Variants in ZRANB2 observed in about 807,000 individuals in gnomAD.
The protein encoded by ZRANB2 is zinc finger RANBP2-type containing 2, also known as zinc finger Ran-binding domain-containing protein 2.
ZRANB2 carries 19 observed loss-of-function variants against 53.4 expected under a neutral mutation model. The ratio of observed to expected loss-of-function variants is 0.36; its 90% CI spans 0.25 to 0.52. The LOEUF is 0.52. ZRANB2 is among the 20% of genes least tolerant of loss of function. The pLI is 0.93. For missense variants in ZRANB2, 309 were observed against 401.1 expected (o/e 0.77, Z 1.96); for synonymous variants, 145 against 134.8 (o/e 1.08, Z -0.52).
Position 71,064,249 on chromosome 1 carries a change from A to G in ZRANB2, c.*825T>C, listed in dbSNP as rs1401094876. On this transcript the variant is annotated 3_prime_UTR_variant, in exon 10 of 10. Transcript: ENST00000370920. ...AAATATACTTTAAAAGCTTACTTCA[A>G]TTTGCTCATTAAGTATGATTTAGCC... 1 of 152,116 alleles carries G rather than the reference A, an allele frequency of 6.6e-6. No homozygotes were observed. The highest frequency in any genetic ancestry group is 1.5e-5 in the Non-Finnish European group (1 of 67,876). The allele number at this position is 152,116 out of a possible 1,614,324, so 9.4% of individuals were successfully genotyped here.
chr1:71,080,404 G>A (rs1373974761), intron 1 of ZRANB2, among the ~76,000 whole-genome samples: 1 of 152,092 alleles, frequency 6.6e-6, no homozygotes, highest in East Asian at 1.9e-4. Flanking sequence ...GATCCACAAA[G>A]AAAATGTCAG....
intron 4 of ZRANB2, among the ~76,000 whole-genome samples, chr1:71,072,751 T>TTC (rs1661621732): frequency 6.6e-6 from 1 of 152,088 alleles, no homozygotes; most frequent in Non-Finnish European, 1.5e-5. Flanking sequence ...ATGGCTGTAC[T>TTC]TCTAGCTCTT....
chr1:71,072,900 C>T (rs1661625170), intron 4 of ZRANB2, among the ~76,000 whole-genome samples: 1 of 151,888 alleles, frequency 6.6e-6, no homozygotes. Context: ...AGGGTGGGCT[C>T]AGTAACAACC....
At chr1:71,076,377 T>G (rs1015337699) in intron 4 of ZRANB2, among the ~76,000 whole-genome samples, 2 of 152,238 alleles carry the variant, frequency 1.3e-5, no homozygotes, top group African/African-American at 4.8e-5. Flanking sequence ...TCAGATAATC[T>G]AGCACATAGC....
chr1:71,077,109 T>C (rs1170913948), intron 3 of ZRANB2, among the ~76,000 whole-genome samples: 1 of 152,142 alleles, frequency 6.6e-6, no homozygotes, highest in Non-Finnish European at 1.5e-5. Flanking sequence ...GTATGAAAAG[T>C]GCCTCTGTCA....
chr1:71,070,602 G>A (rs527523588), intron 7 of ZRANB2, among the ~76,000 whole-genome samples: 1 of 152,094 alleles, frequency 6.6e-6, no homozygotes, highest in African/African-American at 2.4e-5. Flanking sequence ...AAAAGCATGA[G>A]GCTAAAATAG....
At chr1:71,075,044 T>G (rs554183070) in intron 4 of ZRANB2, among the ~76,000 whole-genome samples, 1 of 152,190 alleles carries the variant, frequency 6.6e-6, no homozygotes, top group Non-Finnish European at 1.5e-5. Context: ...TAAACTATAG[T>G]TCTTGTGATA....
intron 5 of ZRANB2, 28 bp from the exon 6 acceptor site, chr1:71,072,283 G>C (rs1661611129): frequency 6.3e-7 from 1 of 1,592,406 alleles, no homozygotes; most frequent in Admixed American, 1.8e-5. Flanking sequence ...CAAAATGCTT[G>C]TCAGCTGATA....
In ZRANB2 at chr1:71,075,627, AAAG is replaced by A. The variant is rs559741814; in HGVS notation, c.301+1165_301+1167del. The stretch of plus-strand genomic sequence containing the variant: ...CGAAGAATCCCAACATCAGTGGCCA[AAAG>A]AAGAGAAACCTGCAAAGGAGACAGA... On this transcript the variant is annotated intron_variant, in intron 4 of 9. Transcript: ENST00000370920. Among the ~76,000 whole-genome samples the A allele has an allele frequency of 1.3e-3, 198 of 152,248 alleles. 2 individuals carry two copies. Among genetic ancestry groups the A allele is most frequent in the African/African-American group, 4.6e-3 (190 of 41,534 alleles).
In ZRANB2 at chr1:71,072,597, A is replaced by T. The variant is rs369859396; in HGVS notation, c.302-49T>A. Reference sequence around the variant, plus strand: ...TTACCCTATGACAATTGATTTAAATAATAAACACATCATGCCCAAATCTCC... The same window carrying T: ...TTACCCTATGACAATTGATTTAAATTATAAACACATCATGCCCAAATCTCC... On this transcript the variant is annotated intron_variant, in intron 4 of 9. Coordinates refer to ENST00000370920, the MANE Select transcript of ZRANB2 (RefSeq NM_203350.3). The T allele has an allele frequency of 9.2e-5, 129 of 1,402,996 alleles. No homozygotes were observed. The African/African-American group carries it at 1.8e-3, about 19-fold the overall frequency. The allele number at this position is 1,402,996 out of a possible 1,614,324, so 86.9% of individuals were successfully genotyped here. A position where few individuals can be genotyped will look rare whatever the true frequency, so the allele number is the denominator to read the frequency against.
chr1:71,072,303 A>G (rs757861312), intron 5 of ZRANB2, 48 bp from the exon 6 acceptor site: 3 of 1,514,610 alleles, frequency 2.0e-6, no homozygotes, highest in Non-Finnish European at 2.7e-6. Flanking sequence ...AATGCATTAA[A>G]CTTAATACAT....
intron 4 of ZRANB2, among the ~76,000 whole-genome samples, chr1:71,074,744 A>T (rs1661670353): frequency 4.1e-5 from 1 of 24,218 alleles, no homozygotes; most frequent in African/African-American, 1.2e-4. Context: ...TGATGGAATT[A>T]TGCAGGATAA....
At chr1:71,065,998 T>C in intron 9 of ZRANB2, 1 of 375,886 alleles carries the variant, frequency 2.7e-6, no homozygotes. Flanking sequence ...AATCATGAGA[T>C]AATCCTACCA....
intron 4 of ZRANB2, 88 bp downstream of exon 4, chr1:71,076,707 T>C: frequency 2.1e-6 from 2 of 973,640 alleles, no homozygotes; most frequent in Admixed American, 2.2e-5. Flanking sequence ...TCACTTACTG[T>C]GGCTCTTACT....
intron 4 of ZRANB2, among the ~76,000 whole-genome samples, chr1:71,075,270 T>G (rs1281396194): frequency 1.3e-5 from 2 of 152,114 alleles, no homozygotes; most frequent in Admixed American, 6.5e-5. Flanking sequence ...AAAGAATTTT[T>G]GGGGTATGGG....
intron 7 of ZRANB2, among the ~76,000 whole-genome samples, chr1:71,070,100 C>T (rs1369251257): frequency 6.6e-6 from 1 of 152,032 alleles, no homozygotes; most frequent in Non-Finnish European, 1.5e-5. Flanking sequence ...TTGTTATACA[C>T]TAATATCTAG....
chr1:71,076,026 G>T (rs145005862), intron 4 of ZRANB2, among the ~76,000 whole-genome samples: 1 of 152,124 alleles, frequency 6.6e-6, no homozygotes, highest in African/African-American at 2.4e-5. Context: ...CCTAAAGTTA[G>T]AGAGGCAAAG....
rs1661423196 is a variant in ZRANB2 at position 71,065,997 on chromosome 1, A to T, written c.929+779T>A. ...ATTCTGTACAAGTAGGAATCATGAGATAATCCTACCACTGAACCCAGCAAT... is the reference window on the plus strand; with the variant it reads ...ATTCTGTACAAGTAGGAATCATGAGTTAATCCTACCACTGAACCCAGCAAT... On this transcript the variant is annotated intron_variant, in intron 9 of 9. Transcript: ENST00000370920. 3 of 379,998 alleles carry T rather than the reference A, an allele frequency of 7.9e-6. No homozygotes were observed. In the Admixed American group the frequency reaches 1.4e-4, roughly 17 times the overall value. 23.5% of individuals were successfully genotyped at this position (379,998 alleles called of 1,614,324 possible).
rs1232218181 is a variant in ZRANB2 at position 71,065,124 on chromosome 1, A to G, written c.943T>C (p.Ser315Pro). 4 of 1,611,584 alleles carry G rather than the reference A, an allele frequency of 2.5e-6. No individual in the cohort carries two copies. Among genetic ancestry groups the G allele is most frequent in the South Asian group, 2.2e-5 (2 of 90,864 alleles). The change falls in exon 10 of 10, where the codon TCA becomes CCA. Residue 315 changes from serine (S) to proline (P), a missense_variant. Around this residue, in one of 3 missense-constraint regions of ZRANB2, gnomAD observed 211 missense variants for 196.1 expected, o/e 1.08. Coordinates refer to ENST00000370920, the MANE Select transcript of ZRANB2 (RefSeq NM_203350.3). ...GAACCAGAATGGGATGATCCAGATG[A>G]TGACCTGTGGCGTCTGTAAGACATA... ...SRSPERRHRS[S>P]SGSSHSGSRS...
Sources: gnomAD v4.1 joint callset for allele counts (sites outside exome capture counted in the v4.1 genomes callset) on GRCh38, gnomAD v4.1.1 for gene constraint, gnomAD v4.1.1 regional missense constraint, MANE v1.5 for transcripts, NCBI Gene and HGNC (gene_info 2026-07-23, HGNC 2026-07-21) for gene names.